LRRC8D: variants seen among roughly 807,000 people sequenced by gnomAD.
LRRC8D encodes the protein leucine rich repeat containing 8 VRAC subunit D.
Under a neutral mutation model 55.8 loss-of-function variants are expected in LRRC8D, and 20 were observed. The ratio of observed to expected loss-of-function variants is 0.36; its 90% CI spans 0.25 to 0.52. LRRC8D has a LOEUF of 0.52. LRRC8D is among the 20% of genes least tolerant of loss of function. The pLI is 0.93. For missense variants in LRRC8D, 651 were observed against 1,030.8 expected (o/e 0.63, Z 5.05); for synonymous variants, 352 against 377.0 (o/e 0.93, Z 0.77).
chr1:89,844,213 G>A (rs1407469020), intron 2 of LRRC8D, among the ~76,000 whole-genome samples: 2 of 152,226 alleles, frequency 1.3e-5, no homozygotes, highest in Non-Finnish European at 2.9e-5. Context: ...AGGGTAAGGG[G>A]TTGGGACGTA....
At chr1:89,843,379 G>A (rs1256758675) in intron 1 of LRRC8D, 17 of 305,214 alleles carry the variant, frequency 5.6e-5, no homozygotes, top group Non-Finnish European at 9.5e-5. Context: ...CGGAAGGGCT[G>A]TGAGCGAGCG....
At chr1:89,844,761 C>T (rs1034743941) in intron 2 of LRRC8D, among the ~76,000 whole-genome samples, 1 of 152,166 alleles carries the variant, frequency 6.6e-6, no homozygotes, top group African/African-American at 2.4e-5. Flanking sequence ...GACTTCTCCC[C>T]CCAGTGAAAG....
intron 1 of LRRC8D, among the ~76,000 whole-genome samples, chr1:89,825,277 T>C (rs998990717): frequency 2.0e-5 from 3 of 152,138 alleles, no homozygotes; most frequent in Admixed American, 2.0e-4. Flanking sequence ...TTAGCCCTTA[T>C]TTTGGGGGCT....
chr1:89,916,499 C>T (rs1010575709), intron 2 of LRRC8D, among the ~76,000 whole-genome samples: 2 of 152,116 alleles, frequency 1.3e-5, no homozygotes, highest in Non-Finnish European at 2.9e-5. Flanking sequence ...TTTTATTTAG[C>T]TCTAAAATGT....
intron 2 of LRRC8D, among the ~76,000 whole-genome samples, chr1:89,897,583 C>T (rs998790014): frequency 3.3e-5 from 5 of 152,200 alleles, no homozygotes; most frequent in African/African-American, 9.7e-5. Context: ...TGTGTCTATA[C>T]ACACGCAGGA....
intron 2 of LRRC8D, among the ~76,000 whole-genome samples, chr1:89,906,117 G>A (rs1343341079): frequency 6.6e-6 from 1 of 152,122 alleles, no homozygotes; most frequent in Non-Finnish European, 1.5e-5. Context: ...TGTTTTAACT[G>A]CCCCCCAACT....
rs768267535 is a variant in LRRC8D at position 89,933,202 on chromosome 1, T to C, written c.134T>C (p.Met45Thr). The C allele has an allele frequency of 3.7e-6, 6 of 1,614,106 alleles. No homozygotes were observed. The highest frequency in any genetic ancestry group is 5.1e-6 in the Non-Finnish European group (6 of 1,180,048). ...MLMVAIFAGT[M>T]QLTKDQVVCL... ...ATGGTAGCCATCTTTGCAGGAACCA[T>C]GCAACTTACCAAAGATCAGGTGGTC... The change falls in exon 3 of 3, where the codon ATG becomes ACG. Residue 45 changes from methionine to threonine, a missense_variant. Transcript: ENST00000337338. This position sits in a 1 kb window ranked among gnomAD's most constrained non-coding sequence, Gnocchi z 7.0.
intron 2 of LRRC8D, among the ~76,000 whole-genome samples, chr1:89,918,277 ACAATGAATAATAACCAGCAGCTGTTACT>A (rs1663323641): frequency 6.6e-6 from 1 of 152,242 alleles, no homozygotes; most frequent in Non-Finnish European, 1.5e-5. Context: ...CTTATTCCAC[ACAATGAATAATAACCAGCAGCTGTTACT>A]CAGTGCTTAC....
At chr1:89,891,814 C>T (rs966024004) in intron 2 of LRRC8D, among the ~76,000 whole-genome samples, 1 of 152,190 alleles carries the variant, frequency 6.6e-6, no homozygotes, top group Admixed American at 6.5e-5. Flanking sequence ...CATCTGTCTG[C>T]AAGAGTTGTA....
chr1:89,828,591 T>C lies in LRRC8D; in HGVS notation c.-148+7300T>C, dbSNP rs892611622. 5.9e-5 allele frequency among the ~76,000 whole-genome samples: 9 copies of C among 152,330 alleles called. No individual in the cohort carries two copies. The South Asian group carries it at 1.9e-3, about 32-fold the overall frequency. On this transcript the variant is annotated intron_variant, in intron 1 of 2. Coordinates refer to ENST00000337338, the MANE Select transcript of LRRC8D (RefSeq NM_001134479.2). The stretch of plus-strand genomic sequence containing the variant: ...AGGTCCAGTTTTAAGCTGGCAATTT[T>C]GTGATAGTCTTTCTTTTGACATTTT...
At position 89,933,142 on chromosome 1, in the gene LRRC8D, A is replaced by C; in HGVS notation, c.74A>C (p.Asp25Ala). ...PTYRILKPWW[D>A]VFMDYLAVVM... ...TACCGAATCCTGAAACCATGGTGGG[A>C]TGTGTTTATGGATTACCTAGCTGTT... Residue 25 changes from aspartate (D) to alanine (A), a missense_variant, in exon 3 of 3, where the codon GAT (aspartate) becomes GCT (alanine). This residue lies in a region of LRRC8D where 2 missense variants were observed against 16.5 expected (regional missense o/e 0.12). Coordinates refer to ENST00000337338, the MANE Select transcript of LRRC8D (RefSeq NM_001134479.2). This position sits in a 1 kb window ranked among gnomAD's most constrained non-coding sequence, Gnocchi z 7.0. 6.2e-7 allele frequency: 1 copy of C among 1,614,034 alleles called. No homozygotes were observed. The highest frequency in any genetic ancestry group is 1.1e-5 in the South Asian group (1 of 91,078).
chr1:89,888,132 A>G (rs1357781936), intron 2 of LRRC8D, among the ~76,000 whole-genome samples: 1 of 152,256 alleles, frequency 6.6e-6, no homozygotes, highest in Non-Finnish European at 1.5e-5. Context: ...TGACAAAAGA[A>G]TCCAACTGTA....
At chr1:89,880,478 C>A (rs1662255215) in intron 2 of LRRC8D, among the ~76,000 whole-genome samples, 1 of 147,900 alleles carries the variant, frequency 6.8e-6, no homozygotes, top group African/African-American at 2.5e-5. Context: ...TTTTGGCCTA[C>A]CATTTACTTG....
chr1:89,882,103 A>G (rs540952700), intron 2 of LRRC8D, among the ~76,000 whole-genome samples: 84 of 152,330 alleles, frequency 5.5e-4, no homozygotes, highest in Admixed American at 1.6e-3. Flanking sequence ...TTCTGGTTGT[A>G]TGCTGCCTAC....
intron 2 of LRRC8D, among the ~76,000 whole-genome samples, chr1:89,910,147 A>G (rs934696258): frequency 6.6e-6 from 1 of 152,194 alleles, no homozygotes; most frequent in Admixed American, 6.5e-5. Flanking sequence ...ATTATACCGA[A>G]TATTTGGTCT....
rs141973155 is a variant in LRRC8D at position 89,934,851 on chromosome 1, G to T, written c.1783G>T (p.Val595Leu). The T allele has an allele frequency of 6.8e-6, 11 of 1,613,928 alleles. No individual in the cohort carries two copies. Among genetic ancestry groups the T allele is most frequent in the African/African-American group, 6.7e-5 (5 of 74,886 alleles). The change falls in exon 3 of 3, where the codon GTG becomes TTG. Residue 595 changes from valine (V) to leucine (L), a missense_variant. Physicochemically the swap from Val to Leu is conservative, Grantham distance 32. This residue lies in a region of LRRC8D where 338 missense variants were observed against 479.4 expected (regional missense o/e 0.71). Transcript: ENST00000337338. The surrounding 1 kb of genome is among the most constrained non-coding windows in gnomAD (Gnocchi z 5.9). Reference protein sequence around the residue: ...RELRHLKILHVKSNLTKVPSN... With the variant: ...RELRHLKILHLKSNLTKVPSN... ...GTTGCGGCACCTTAAGATTCTCCACGTGAAGAGCAATTTGACCAAAGTTCC... is the reference window on the plus strand; with the variant it reads ...GTTGCGGCACCTTAAGATTCTCCACTTGAAGAGCAATTTGACCAAAGTTCC...
At chr1:89,834,412 G>T (rs1660958020) in intron 1 of LRRC8D, among the ~76,000 whole-genome samples, 1 of 152,202 alleles carries the variant, frequency 6.6e-6, no homozygotes, top group Non-Finnish European at 1.5e-5. Flanking sequence ...AGCCATGAAG[G>T]TTGGTGTCAT....
intron 2 of LRRC8D, among the ~76,000 whole-genome samples, chr1:89,876,822 C>T (rs180772981): frequency 2.6e-5 from 4 of 152,264 alleles, no homozygotes; most frequent in African/African-American, 9.6e-5. Flanking sequence ...ATTTAGCATT[C>T]GGTCCTTTAT....
intron 1 of LRRC8D, among the ~76,000 whole-genome samples, chr1:89,836,806 T>C (rs1449071585): frequency 6.6e-6 from 1 of 152,244 alleles, no homozygotes; most frequent in African/African-American, 2.4e-5. Context: ...ACCTCTCTGC[T>C]AATTTAACTA....
Sources: allele counts gnomAD v4.1 joint callset (sites outside exome capture counted in the v4.1 genomes callset), GRCh38; gene constraint gnomAD v4.1.1; regional missense constraint gnomAD v4.1.1; non-coding constraint Gnocchi (gnomAD v3.1); transcripts MANE v1.5; gene names NCBI Gene and HGNC (gene_info 2026-07-23, HGNC 2026-07-21).